The following SGCD variants were observed in gnomAD, a reference collection of about 807,000 sequenced individuals.
SGCD encodes sarcoglycan delta, also known as delta-sarcoglycan.
In SGCD, 18 loss-of-function variants were observed where a neutral mutation model predicts 36.6. That is an observed-to-expected ratio of 0.49 (90% CI 0.34 to 0.73). SGCD has a LOEUF of 0.73. Among genes scored for constraint, SGCD ranks in the 30% least tolerant of loss-of-function variants. The pLI, the probability that SGCD is intolerant of heterozygous loss-of-function variation, is 0.01. For missense variants in SGCD, 387 were observed against 346.7 expected, an observed-to-expected ratio of 1.12 and a Z score of -0.92; for synonymous variants, 133 against 130.6, an observed-to-expected ratio of 1.02 and a Z score of -0.12.
At chr5:155,766,376 G>A in the SGCD span, among the ~76,000 whole-genome samples, 1 of 152,104 alleles carries the variant, frequency 6.6e-6, no homozygotes, top group Non-Finnish European at 1.5e-5. Context: ...TCTATAGCTG[G>A]CTGTAGCTGG....
Position 156,093,860 on chromosome 5 carries a change from A to G in SGCD, c.-281-24018A>G, listed in dbSNP as rs537646155. On this transcript the variant is annotated intron_variant, in intron 1 of 9. Coordinates refer to the SGCD transcript ENST00000517913. ...CTGTCATTTTCTGAGGATCCTCTTT[A>G]TAAGGTGGGTTGGAACTTTTCTGAT... 3.9e-5 allele frequency among the ~76,000 whole-genome samples: 6 copies of G among 152,346 alleles called. No individual in the cohort carries two copies. In the South Asian group the frequency reaches 8.3e-4, roughly 21 times the overall value.
chr5:156,585,353 A>G (rs937482771), intron 4 of SGCD, among the ~76,000 whole-genome samples: 1 of 152,240 alleles, frequency 6.6e-6, no homozygotes, highest in Non-Finnish European at 1.5e-5. Flanking sequence ...AACTTAAAGC[A>G]TCCTATTGAA....
intron 1 of SGCD, among the ~76,000 whole-genome samples, chr5:156,062,043 T>A (rs1222397180): frequency 1.1e-5 from 1 of 88,300 alleles, no homozygotes; most frequent in Non-Finnish European, 2.1e-5. Context: ...TAATGTGTCA[T>A]CTAGCATTAG....
At chr5:155,926,669 C>CA (rs1253387549) in intron 1 of SGCD, among the ~76,000 whole-genome samples, 1 of 151,634 alleles carries the variant, frequency 6.6e-6, no homozygotes, top group African/African-American at 2.4e-5. Context: ...TTTTCAACAG[C>CA]AAAAAAATTG....
intron 3 of SGCD, among the ~76,000 whole-genome samples, chr5:156,196,033 C>T (rs1764018405): frequency 6.6e-6 from 1 of 152,080 alleles, no homozygotes; most frequent in African/African-American, 2.4e-5. Context: ...AAGGAGGGCC[C>T]CTTTTCTAAA....
At chr5:156,286,103 G>A (rs1256682116) in intron 3 of SGCD, among the ~76,000 whole-genome samples, 2 of 152,160 alleles carry the variant, frequency 1.3e-5, no homozygotes, top group Non-Finnish European at 2.9e-5. Flanking sequence ...TCAGAGAAAT[G>A]CAAATCAAAA....
chr5:156,548,798 T>A (rs928183419), intron 4 of SGCD, among the ~76,000 whole-genome samples: 2 of 152,092 alleles, frequency 1.3e-5, no homozygotes, highest in African/African-American at 4.8e-5. Context: ...GGAGGAATAA[T>A]AGGAGTCCAC....
At chr5:155,748,383 G>A in the SGCD span, among the ~76,000 whole-genome samples, 1 of 151,780 alleles carries the variant, frequency 6.6e-6, no homozygotes, top group African/African-American at 2.4e-5. Context: ...TCAATTCCTT[G>A]TACTCTCCTT....
At chr5:156,689,272 A>G (rs778876636) in intron 7 of SGCD, among the ~76,000 whole-genome samples, 27 of 152,308 alleles carry the variant, frequency 1.8e-4, no homozygotes, top group Non-Finnish European at 3.5e-4. Context: ...CAAGTATAAA[A>G]TGTTGTTTAA....
At chr5:156,582,705 G>T (rs761550553) in intron 4 of SGCD, among the ~76,000 whole-genome samples, 4 of 152,134 alleles carry the variant, frequency 2.6e-5, no homozygotes, top group Non-Finnish European at 4.4e-5. Flanking sequence ...TTAATTTTAT[G>T]TCTCCTTCTG....
intron 3 of SGCD, among the ~76,000 whole-genome samples, chr5:156,457,069 G>A (rs1754294107): frequency 6.6e-6 from 1 of 152,110 alleles, no homozygotes; most frequent in South Asian, 2.1e-4. Flanking sequence ...TACTAGAACA[G>A]AAACCAAAAC....
the SGCD span, among the ~76,000 whole-genome samples, chr5:155,750,916 T>C: frequency 2.6e-5 from 4 of 152,258 alleles, no homozygotes; most frequent in Non-Finnish European, 4.4e-5. Context: ...AGCATTTGGA[T>C]TGGTGACTCC....
At chr5:156,375,801 G>A (rs906867892) in intron 3 of SGCD, among the ~76,000 whole-genome samples, 1 of 151,978 alleles carries the variant, frequency 6.6e-6, no homozygotes, top group Non-Finnish European at 1.5e-5. Context: ...TGACTATAGC[G>A]CATCCTACTG....
rs531764348 is a variant in SGCD at position 156,573,324 on chromosome 5, G to T, written c.295-15907G>T. 2.0e-5 allele frequency among the ~76,000 whole-genome samples: 3 copies of T among 152,140 alleles called. No individual in the cohort carries two copies. In the East Asian group the frequency reaches 5.8e-4, roughly 29 times the overall value. ...TTTCTGTAAATCTGAGAATCACGTG[G>T]ACACAAAGTTGCAACTACTTTGCCT... On this transcript the variant is annotated intron_variant, in intron 4 of 8. Transcript: ENST00000337851.
intron 1 of SGCD, among the ~76,000 whole-genome samples, chr5:156,095,942 G>A (rs1241387144): frequency 1.3e-5 from 2 of 152,202 alleles, no homozygotes; most frequent in African/African-American, 2.4e-5. Flanking sequence ...AAGAGAAAAA[G>A]GAAAGCTGGG....
intron 4 of SGCD, among the ~76,000 whole-genome samples, chr5:156,582,703 A>G (rs774041170): frequency 5.9e-5 from 9 of 152,208 alleles, no homozygotes; most frequent in South Asian, 2.1e-4. Flanking sequence ...ACTTAATTTT[A>G]TGTCTCCTTC....
intron 7 of SGCD, among the ~76,000 whole-genome samples, chr5:156,682,007 A>G (rs1753740673): frequency 6.6e-6 from 1 of 152,222 alleles, no homozygotes; most frequent in South Asian, 2.1e-4. Flanking sequence ...TACCTAAAAT[A>G]ACATGTTCTC....
chr5:156,603,102 T>A (rs1207544193), intron 6 of SGCD, among the ~76,000 whole-genome samples: 1 of 152,120 alleles, frequency 6.6e-6, no homozygotes, highest in Non-Finnish European at 1.5e-5. Flanking sequence ...CTTTTATTAC[T>A]GATTAAATTT....
intron 1 of SGCD, among the ~76,000 whole-genome samples, chr5:156,098,533 A>G (rs922280376): frequency 2.6e-5 from 4 of 151,986 alleles, no homozygotes; most frequent in African/African-American, 9.7e-5. Context: ...TATATAGAGT[A>G]TTACACATGC....
Sources: gnomAD v4.1 joint callset for allele counts (sites outside exome capture counted in the v4.1 genomes callset) on GRCh38, gnomAD v4.1.1 for gene constraint, MANE v1.5 for transcripts, NCBI Gene and HGNC (gene_info 2026-07-23, HGNC 2026-07-21) for gene names.